Variants in SPRR2A observed in about 807,000 individuals in gnomAD.
SPRR2A encodes the protein small proline-rich protein 2A.
A neutral mutation model predicts 1.2 loss-of-function variants in SPRR2A; 3 were observed. The ratio of observed to expected loss-of-function variants is 2.56; its 90% confidence interval spans 1.17 to 6.62. The LOEUF is 6.62. Ranked by LOEUF, SPRR2A falls within the 30% of genes most tolerant of loss-of-function variation. The pLI, the probability that SPRR2A is intolerant of heterozygous loss-of-function variation, is 0.02. For missense variants in SPRR2A, 66 were observed against 87.8 expected (o/e 0.75, Z 0.99); for synonymous variants, 31 against 33.1 (o/e 0.94, Z 0.21).
In SPRR2A at chr1:153,056,130, G is replaced by C. The variant is rs1654338630; in HGVS notation, c.*387C>G. On this transcript the variant is annotated 3_prime_UTR_variant, in exon 2 of 2. Transcript: ENST00000392653. The stretch of plus-strand genomic sequence containing the variant: ...ATCCATTCACAAATATATATGCATA[G>C]ATACTTTATTCAGGGAGTGAAAGAT... The C allele has an allele frequency of 2.0e-5, 8 of 409,434 alleles. No individual in the cohort carries two copies. The allele number at this position is 409,434 out of a possible 1,614,324, so 25.4% of individuals were successfully genotyped here.
intron 1 of SPRR2A, among the ~76,000 whole-genome samples, chr1:153,056,981 C>A (rs1477084118): frequency 3.9e-5 from 6 of 152,152 alleles, no homozygotes; most frequent in African/African-American, 1.4e-4. Context: ...AATAAATTAT[C>A]TCTGTTATAA....
At position 153,056,410 on chromosome 1, in the gene SPRR2A, C is replaced by T; in HGVS notation, c.*107G>A. 6.6e-7 allele frequency: 1 copy of T among 1,521,312 alleles called. No homozygotes were observed. Among genetic ancestry groups the T allele is most frequent in the Non-Finnish European group, 8.8e-7 (1 of 1,131,372 alleles). 94.2% of individuals were successfully genotyped at this position (1,521,312 alleles called of 1,614,324 possible). ...ATTACTGGCTAAGGAGAAAGAAGCT[C>T]CCTGTGTATCCATGGTAGGCTTTGA... On this transcript the variant is annotated 3_prime_UTR_variant, in exon 2 of 2. Transcript: ENST00000392653.
chr1:153,056,412 C>T lies in SPRR2A; in HGVS notation c.*105G>A. The T allele has an allele frequency of 6.6e-7, 1 of 1,524,262 alleles. No individual in the cohort carries two copies. Among genetic ancestry groups the T allele is most frequent in the Non-Finnish European group, 8.8e-7 (1 of 1,133,126 alleles). The allele number at this position is 1,524,262 out of a possible 1,614,324, so 94.4% of individuals were successfully genotyped here. On this transcript the variant is annotated 3_prime_UTR_variant, in exon 2 of 2. Transcript: ENST00000392653. ...TACTGGCTAAGGAGAAAGAAGCTCC[C>T]TGTGTATCCATGGTAGGCTTTGATG...
chr1:153,056,922 T>G (rs1180268293), intron 1 of SPRR2A, among the ~76,000 whole-genome samples, 168 bp from the exon 2 acceptor site: 3 of 152,232 alleles, frequency 2.0e-5, no homozygotes, highest in Non-Finnish European at 2.9e-5. Flanking sequence ...TTTAACAAAT[T>G]GCTTCATTGT....
Position 153,056,786 on chromosome 1 carries a change from A to G in SPRR2A, c.-19-32T>C, listed in dbSNP as rs768024013. On this transcript the variant is annotated intron_variant, in intron 1 of 1. Coordinates refer to ENST00000392653, the MANE Select transcript of SPRR2A (RefSeq NM_005988.3). ...GAAATGATACAACAGTGTTCGTGGG[A>G]AGGGAATCCTCCAGAGAGAGAAGCC... 20 of 1,599,062 alleles carry G rather than the reference A, an allele frequency of 1.3e-5. No homozygotes were observed. In the Admixed American group the frequency reaches 3.4e-4, roughly 27 times the overall value.
rs769605638 is a variant in SPRR2A at position 153,056,543 on chromosome 1, A to G, written c.193T>C (p.Ser65Pro). ...PPVTPSPPCQ[S>P]KYPPKSK ...TACTTGCTCTTCGGTGGATACTTTG[A>G]CTGGCAGGGTGGGGAAGGTGTCACA... Residue 65 changes from serine (S) to proline (P), a missense_variant, in exon 2 of 2, where the codon TCA (serine) becomes CCA (proline). By Grantham distance (74) the Ser-to-Pro change is moderately conservative. Coordinates refer to ENST00000392653, the MANE Select transcript of SPRR2A (RefSeq NM_005988.3). 4.5e-5 allele frequency: 72 copies of G among 1,612,162 alleles called. No individual in the cohort carries two copies. The East Asian group carries it at 6.2e-4, about 14-fold the overall frequency.
rs368122632 is a variant in SPRR2A, at chr1:153,056,676, C to T, written c.60G>A (p.Thr20=). The T allele has an allele frequency of 9.9e-6, 16 of 1,610,210 alleles. No individual in the cohort carries two copies. Among genetic ancestry groups the T allele is most frequent in the East Asian group, 4.5e-5 (2 of 44,862 alleles). ...QPCQPPPVCP[T]PKCPEPCPPP... ...GTGGACATGGCTCTGGGCACTTTGG[C>T]GTGGGGCACACAGGAGGTGGCTGGC... The change falls in exon 2 of 2, where the codon ACG becomes ACA. Residue 20 remains threonine (T), a synonymous_variant. Transcript: ENST00000392653.
At chr1:153,056,857 A>G in intron 1 of SPRR2A, 103 bp from the exon 2 acceptor site, 3 of 1,498,994 alleles carry the variant, frequency 2.0e-6, no homozygotes, top group Non-Finnish European at 2.7e-6. Context: ...AATCTCCAAG[A>G]AATTATTTAA....
In SPRR2A at chr1:153,056,320, T is replaced by G. The variant is rs564984568; in HGVS notation, c.*197A>C. ...GGACTTCCTTTGCTCAGTCTCCACC[T>G]GGACAGTGGCAGTATGGCAGCCTCA... is the stretch of plus-strand genomic sequence containing the variant. On this transcript the variant is annotated 3_prime_UTR_variant, in exon 2 of 2. Coordinates refer to ENST00000392653, the MANE Select transcript of SPRR2A (RefSeq NM_005988.3). 2.0e-6 allele frequency: 2 copies of G among 1,008,400 alleles called. No homozygotes were observed. Among genetic ancestry groups the G allele is most frequent in the Non-Finnish European group, 2.9e-6 (2 of 699,834 alleles). 62.5% of individuals were successfully genotyped at this position (1,008,400 alleles called of 1,614,324 possible).
chr1:153,056,467 G>A lies in SPRR2A; in HGVS notation c.*50C>T, dbSNP rs531936611. 1.9e-6 allele frequency: 3 copies of A among 1,589,546 alleles called. No homozygotes were observed. Among genetic ancestry groups the A allele is most frequent in the East Asian group, 4.5e-5 (2 of 44,692 alleles). ...GATGAAGGTGGAGCTGTGGAACGAG[G>A]TGAGCCAAATATCCTTATCCTTTCT... On this transcript the variant is annotated 3_prime_UTR_variant, in exon 2 of 2. Coordinates refer to ENST00000392653, the MANE Select transcript of SPRR2A (RefSeq NM_005988.3).
rs1056029082 is a variant in SPRR2A, at chr1:153,056,177, T to C, written c.*340A>G. ...AGATAAGTGACAATTGCAAAGGTGGTAGAAGCTCGTGACCAGGTGACAGAC... is the reference window on the plus strand; with the variant it reads ...AGATAAGTGACAATTGCAAAGGTGGCAGAAGCTCGTGACCAGGTGACAGAC... On this transcript the variant is annotated 3_prime_UTR_variant, in exon 2 of 2. Coordinates refer to ENST00000392653, the MANE Select transcript of SPRR2A (RefSeq NM_005988.3). 4 of 433,484 alleles carry C rather than the reference T, an allele frequency of 9.2e-6. No individual in the cohort carries two copies. Among genetic ancestry groups the C allele is most frequent in the African/African-American group, 2.0e-5 (1 of 49,686 alleles). The allele number at this position is 433,484 out of a possible 1,614,324, so 26.9% of individuals were successfully genotyped here. A position where few individuals can be genotyped will look rare whatever the true frequency, so the allele number is the denominator to read the frequency against.
At position 153,056,625 on chromosome 1, in the gene SPRR2A, T is replaced by C. The variant is rs771687577; in HGVS notation, c.111A>G (p.Pro37=). 5 of 1,611,264 alleles carry C rather than the reference T, an allele frequency of 3.1e-6. No individual in the cohort carries two copies. In the Admixed American group the frequency reaches 5.0e-5, roughly 16 times the overall value. The change falls in exon 2 of 2, where the codon CCA becomes CCG. Residue 37 remains proline (P), a synonymous_variant. Coordinates refer to ENST00000392653, the MANE Select transcript of SPRR2A (RefSeq NM_005988.3). The stretch of plus-strand genomic sequence containing the variant: ...GGCAGGGCTGTGGACACTTTGGTGG[T>C]GGGCAGGGCTCAGGGCACTTCGGGG... ...CPPPKCPEPC[P]PPKCPQPCPP...
chr1:153,056,774 A>T lies in SPRR2A; in HGVS notation c.-19-20T>A. ...CAGGATCTGAAAGAAATGATACAAC[A>T]GTGTTCGTGGGAAGGGAATCCTCCA... On this transcript the variant is annotated intron_variant, in intron 1 of 1. Coordinates refer to ENST00000392653, the MANE Select transcript of SPRR2A (RefSeq NM_005988.3). The T allele has an allele frequency of 6.3e-7, 1 of 1,597,118 alleles. No individual in the cohort carries two copies. The highest frequency in any genetic ancestry group is 8.5e-7 in the Non-Finnish European group (1 of 1,174,096).
rs1654360313 is a variant in SPRR2A at position 153,056,723 on chromosome 1, G to T, written c.13C>A (p.Gln5Lys). MSYQ[Q>K]QQCKQPCQPP... ...TGGCAGGGCTGCTTGCACTGCTGCTGTTGATAAGACATCCTGCTGGAGTCT... is the reference window on the plus strand; with the variant it reads ...TGGCAGGGCTGCTTGCACTGCTGCTTTTGATAAGACATCCTGCTGGAGTCT... The change falls in exon 2 of 2, where the codon CAG (glutamine) becomes AAG (lysine). Residue 5 changes from glutamine to lysine, a missense_variant. Coordinates refer to ENST00000392653, the MANE Select transcript of SPRR2A (RefSeq NM_005988.3). 6.2e-7 allele frequency: 1 copy of T among 1,608,790 alleles called. No individual in the cohort carries two copies. Among genetic ancestry groups the T allele is most frequent in the African/African-American group, 1.3e-5 (1 of 74,782 alleles).
rs964327524 is a variant in SPRR2A at position 153,056,712 on chromosome 1, G to C, written c.24C>G (p.Cys8Trp). 2 of 1,609,774 alleles carry C rather than the reference G, an allele frequency of 1.2e-6. No individual in the cohort carries two copies. The highest frequency in any genetic ancestry group is 2.2e-5 in the South Asian group (2 of 90,940). MSYQQQQ[C>W]KQPCQPPPVC... The stretch of plus-strand genomic sequence containing the variant: ...CAGGAGGTGGCTGGCAGGGCTGCTT[G>C]CACTGCTGCTGTTGATAAGACATCC... The change falls in exon 2 of 2, where the codon TGC becomes TGG. Residue 8 changes from cysteine to tryptophan, a missense_variant. Coordinates refer to ENST00000392653, the MANE Select transcript of SPRR2A (RefSeq NM_005988.3).
In SPRR2A at chr1:153,056,831, G is replaced by A. The variant is rs1289925333; in HGVS notation, c.-19-77C>T. ...GAAGCCAAAGCTTGTGTAATACCAT[G>A]GCATATTATTTCTCCAATCTCCAAG... is the stretch of plus-strand genomic sequence containing the variant. On this transcript the variant is annotated intron_variant, in intron 1 of 1. Transcript: ENST00000392653. 2.5e-6 allele frequency: 4 copies of A among 1,577,522 alleles called. No homozygotes were observed. The Admixed American group carries it at 5.4e-5, about 21-fold the overall frequency.
rs1305089287 is a variant in SPRR2A at position 153,056,633 on chromosome 1, G to T, written c.103C>A (p.Pro35Thr). ...EPCPPPKCPE[P>T]CPPPKCPQPC... ...TGTGGACACTTTGGTGGTGGGCAGG[G>T]CTCAGGGCACTTCGGGGGTGGACAT... Residue 35 changes from proline (P) to threonine (T), a missense_variant, in exon 2 of 2, where the codon CCC becomes ACC. Coordinates refer to ENST00000392653, the MANE Select transcript of SPRR2A (RefSeq NM_005988.3). 1.2e-5 allele frequency: 20 copies of T among 1,610,976 alleles called. No individual in the cohort carries two copies. Among genetic ancestry groups the T allele is most frequent in the Non-Finnish European group, 1.6e-5 (19 of 1,179,266 alleles).
chr1:153,056,622 T>G lies in SPRR2A; in HGVS notation c.114A>C (p.Pro38=). 2.5e-6 allele frequency: 4 copies of G among 1,611,244 alleles called. No homozygotes were observed. In the South Asian group the frequency reaches 4.4e-5, roughly 18 times the overall value. The change falls in exon 2 of 2, where the codon CCA becomes CCC. Residue 38 remains proline, a synonymous_variant. Transcript: ENST00000392653. Reference sequence around the variant, plus strand: ...GTGGGCAGGGCTGTGGACACTTTGGTGGTGGGCAGGGCTCAGGGCACTTCG... The same window carrying G: ...GTGGGCAGGGCTGTGGACACTTTGGGGGTGGGCAGGGCTCAGGGCACTTCG... ...PPPKCPEPCP[P]PKCPQPCPPQ... is the part of the protein sequence containing the mutation.
Position 153,056,186 on chromosome 1 carries a change from G to A in SPRR2A, c.*331C>T, listed in dbSNP as rs1174938223. 9.2e-6 allele frequency: 4 copies of A among 436,496 alleles called. No individual in the cohort carries two copies. The East Asian group carries it at 9.9e-5, about 11-fold the overall frequency. 27.0% of individuals were successfully genotyped at this position (436,496 alleles called of 1,614,324 possible). On this transcript the variant is annotated 3_prime_UTR_variant, in exon 2 of 2. Coordinates refer to ENST00000392653, the MANE Select transcript of SPRR2A (RefSeq NM_005988.3). ...ACAATTGCAAAGGTGGTAGAAGCTC[G>A]TGACCAGGTGACAGACAGACACAGA...
Sources: allele counts gnomAD v4.1 joint callset (sites outside exome capture counted in the v4.1 genomes callset), GRCh38; gene constraint gnomAD v4.1.1; transcripts MANE v1.5; gene names NCBI Gene and HGNC (gene_info 2026-07-23, HGNC 2026-07-21).